Variants in SNTG2 observed in about 807,000 individuals in gnomAD.
SNTG2 encodes the protein syntrophin gamma 2, also known as gamma-2-syntrophin.
SNTG2 carries 74 observed loss-of-function variants against 70.9 expected under a neutral mutation model. The observed-to-expected ratio is 1.04, with a 90% CI of 0.86 to 1.27. The LOEUF is 1.27. Ranked by LOEUF, SNTG2 falls within the 50% of genes most tolerant of loss-of-function variation. The pLI, the probability that SNTG2 is intolerant of heterozygous loss-of-function variation, is 0.00. For missense variants in SNTG2, 717 were observed against 690.7 expected, an observed-to-expected ratio of 1.04 and a Z score of -0.43; for synonymous variants, 278 against 273.8, an observed-to-expected ratio of 1.02 and a Z score of -0.15.
At chr2:1,047,862 C>T (rs1165127955) in intron 1 of SNTG2, among the ~76,000 whole-genome samples, 1 of 151,990 alleles carries the variant, frequency 6.6e-6, no homozygotes, top group Non-Finnish European at 1.5e-5. Context: ...GGTACACACA[C>T]AGAAAATGCT....
chr2:1,219,432 C>G (rs1674607632), intron 9 of SNTG2, among the ~76,000 whole-genome samples: 1 of 152,202 alleles, frequency 6.6e-6, no homozygotes, highest in African/African-American at 2.4e-5. Context: ...GCAGGAAATT[C>G]AGATTTGAGT....
At chr2:1,306,216 A>G (rs1680660541) in intron 14 of SNTG2, among the ~76,000 whole-genome samples, 1 of 152,074 alleles carries the variant, frequency 6.6e-6, no homozygotes, top group South Asian at 2.1e-4. Context: ...CGCCAATGCC[A>G]ACAGTGTGTA....
At chr2:1,141,795 T>A (rs75515201) in intron 6 of SNTG2, among the ~76,000 whole-genome samples, 150,159 of 152,164 alleles carry the variant, frequency 0.99, 74,122 homozygotes, top group East Asian at 1. Flanking sequence ...CTCAGGGGAG[T>A]TAAAGAGCCC....
At chr2:1,137,882 A>C in intron 6 of SNTG2, 73 bp downstream of exon 6, 1 of 1,351,456 alleles carries the variant, frequency 7.4e-7, no homozygotes, top group Non-Finnish European at 1.1e-6. Context: ...TATAGTTGAT[A>C]TTTCACTGAG....
intron 4 of SNTG2, among the ~76,000 whole-genome samples, chr2:1,116,599 C>CGGGTGCCCTGGTGTGT (rs1666992843): frequency 1.8e-5 from 1 of 54,744 alleles, no homozygotes; most frequent in African/African-American, 7.2e-5. Context: ...CCCCGGTGTT[C>CGGGTGCCCTGGTGTGT]GGGTGCCCTG....
intron 1 of SNTG2, among the ~76,000 whole-genome samples, chr2:1,076,076 A>T (rs532885309): frequency 1.3e-5 from 2 of 152,366 alleles, no homozygotes; most frequent in African/African-American, 4.8e-5. Flanking sequence ...TATGTTCTAC[A>T]TATGACTAAA....
At chr2:1,110,101 T>C (rs1214154886) in intron 4 of SNTG2, among the ~76,000 whole-genome samples, 1 of 151,966 alleles carries the variant, frequency 6.6e-6, no homozygotes, top group African/African-American at 2.4e-5. Context: ...CTACATTTGG[T>C]GGGGAAGGAA....
intron 14 of SNTG2, among the ~76,000 whole-genome samples, chr2:1,286,945 T>C (rs1473703034): frequency 2.6e-5 from 4 of 152,218 alleles, no homozygotes; most frequent in African/African-American, 7.2e-5. Context: ...GAGGCAGACA[T>C]GCTCCTGTGC....
intron 1 of SNTG2, among the ~76,000 whole-genome samples, chr2:989,184 GT>G (rs1661419345): frequency 6.6e-6 from 1 of 152,148 alleles, no homozygotes; most frequent in Non-Finnish European, 1.5e-5. Flanking sequence ...TAAAGATAGT[GT>G]TACTTCTTTC....
chr2:1,082,166 GA>G (rs978360593), intron 1 of SNTG2, among the ~76,000 whole-genome samples: 12 of 152,180 alleles, frequency 7.9e-5, no homozygotes, highest in Admixed American at 5.2e-4. Context: ...CTCCACTGTG[GA>G]AACAAGCCCA....
At chr2:1,100,275 T>G in intron 4 of SNTG2, among the ~76,000 whole-genome samples, 1 of 152,134 alleles carries the variant, frequency 6.6e-6, no homozygotes, top group South Asian at 2.1e-4. Flanking sequence ...CAAGCGATTC[T>G]TCTGCCTCAG....
intron 11 of SNTG2, chr2:1,242,746 A>G (rs1384578745): frequency 1.3e-5 from 2 of 152,226 alleles, no homozygotes; most frequent in African/African-American, 4.8e-5. Context: ...AGCTAAAGGA[A>G]AAGACCAGCT....
At chr2:1,281,784 C>T (rs920439299) in intron 14 of SNTG2, among the ~76,000 whole-genome samples, 1 of 152,112 alleles carries the variant, frequency 6.6e-6, no homozygotes, top group African/African-American at 2.4e-5. Flanking sequence ...AGTTCACAGA[C>T]AGGGGACCCT....
Position 1,027,423 on chromosome 2 carries a change from G to T in SNTG2, c.73-56095G>T, listed in dbSNP as rs56994024. Among the ~76,000 whole-genome samples the T allele has an allele frequency of 6.6e-3, 995 of 151,184 alleles. 6 individuals are homozygous for T. Among genetic ancestry groups the T allele is most frequent in the African/African-American group, 0.023 (920 of 40,880 alleles). On this transcript the variant is annotated intron_variant, in intron 1 of 16. Transcript: ENST00000308624. ...CTCTGTTGAGTAAAGAGATAAGCAGGTGCGTCTGACCCACAGACACTACCC... is the reference window on the plus strand; with the variant it reads ...CTCTGTTGAGTAAAGAGATAAGCAGTTGCGTCTGACCCACAGACACTACCC...
At chr2:1,017,098 G>T (rs542676313) in intron 1 of SNTG2, among the ~76,000 whole-genome samples, 2 of 152,206 alleles carry the variant, frequency 1.3e-5, no homozygotes, top group South Asian at 4.1e-4. Flanking sequence ...GTGAGTATAC[G>T]GTTTACTAAG....
chr2:1,313,300 C>T (rs1681100068), intron 15 of SNTG2, among the ~76,000 whole-genome samples: 1 of 152,196 alleles, frequency 6.6e-6, no homozygotes, highest in South Asian at 2.1e-4. Flanking sequence ...TTTCTGTCTT[C>T]CAAGAGGGAG....
At chr2:1,302,804 C>A (rs897547983) in intron 14 of SNTG2, among the ~76,000 whole-genome samples, 1 of 152,060 alleles carries the variant, frequency 6.6e-6, no homozygotes, top group Admixed American at 6.6e-5. Flanking sequence ...AAAGAGATAA[C>A]TCATGTAACC....
At chr2:1,297,080 C>T (rs1680249370) in intron 14 of SNTG2, among the ~76,000 whole-genome samples, 1 of 152,020 alleles carries the variant, frequency 6.6e-6, no homozygotes, top group African/African-American at 2.4e-5. Flanking sequence ...CCATACTTCC[C>T]TGAAGGAAGT....
intron 8 of SNTG2, among the ~76,000 whole-genome samples, chr2:1,201,336 C>T (rs1673261596): frequency 6.6e-6 from 1 of 151,606 alleles, no homozygotes; most frequent in South Asian, 2.1e-4. Flanking sequence ...ATAGTAAGAG[C>T]TAAAAAAGTT....
Sources: gnomAD v4.1 joint callset for allele counts (sites outside exome capture counted in the v4.1 genomes callset) on GRCh38, gnomAD v4.1.1 for gene constraint, MANE v1.5 for transcripts, NCBI Gene and HGNC (gene_info 2026-07-23, HGNC 2026-07-21) for gene names.